RUNX2: variants seen among roughly 807,000 people sequenced by gnomAD.
RUNX2 encodes the protein RUNX family transcription factor 2, also known as runt-related transcription factor 2.
In RUNX2, 10 loss-of-function variants were observed where a neutral mutation model predicts 51.7. The ratio of observed to expected loss-of-function variants is 0.19; its 90% CI spans 0.12 to 0.33. The LOEUF is 0.33. Among genes scored for constraint, RUNX2 ranks in the 10% least tolerant of loss-of-function variants. The pLI is 1.00. For synonymous variants in RUNX2, 276 were observed against 273.6 expected (o/e 1.01, Z -0.09); for missense variants, 562 against 691.3 (o/e 0.81, Z 2.10).
At chr6:45,408,403 T>C (rs555269115) in intron 2 of RUNX2, among the ~76,000 whole-genome samples, 2 of 152,190 alleles carry the variant, frequency 1.3e-5, no homozygotes, top group African/African-American at 2.4e-5. Context: ...ATTTGGGAAT[T>C]GATTCTCTTA....
chr6:45,417,431 C>T (rs1582088807), intron 2 of RUNX2, among the ~76,000 whole-genome samples: 1 of 152,260 alleles, frequency 6.6e-6, no homozygotes, highest in African/African-American at 2.4e-5. Flanking sequence ...TGTTTTGGCA[C>T]CTCCAAAATT....
intron 5 of RUNX2, among the ~76,000 whole-genome samples, chr6:45,457,312 C>T (rs1043181346): frequency 1.3e-5 from 2 of 152,018 alleles, no homozygotes; most frequent in Non-Finnish European, 2.9e-5. Context: ...CTTAACCTTT[C>T]CCAACAGAAG....
At chr6:45,397,402 C>A (rs1797607576) in intron 2 of RUNX2, among the ~76,000 whole-genome samples, 1 of 152,126 alleles carries the variant, frequency 6.6e-6, no homozygotes, top group African/African-American at 2.4e-5. Flanking sequence ...AGCAACCATG[C>A]CCGGCATATA....
intron 7 of RUNX2, among the ~76,000 whole-genome samples, chr6:45,534,644 C>T (rs1167082241): frequency 6.6e-6 from 1 of 152,142 alleles, no homozygotes; most frequent in African/African-American, 2.4e-5. Context: ...TGTGGCTCCG[C>T]AACTAACCTG....
At chr6:45,424,214 T>C (rs1582097053) in intron 3 of RUNX2, among the ~76,000 whole-genome samples, 1 of 152,120 alleles carries the variant, frequency 6.6e-6, no homozygotes, top group Non-Finnish European at 1.5e-5. Context: ...GGTTTTAGGA[T>C]CTGGAGCCTC....
At chr6:45,433,134 A>G (rs922068557) in intron 4 of RUNX2, among the ~76,000 whole-genome samples, 1 of 152,200 alleles carries the variant, frequency 6.6e-6, no homozygotes, top group Non-Finnish European at 1.5e-5. Context: ...AAGAAGTTGT[A>G]CTTTTTAACT....
chr6:45,462,310 C>A (rs1399018248), intron 5 of RUNX2, among the ~76,000 whole-genome samples: 1 of 152,158 alleles, frequency 6.6e-6, no homozygotes. Context: ...GGTACTCCAC[C>A]GTTTACTCAA....
At chr6:45,490,400 A>G (rs1800427053) in intron 5 of RUNX2, among the ~76,000 whole-genome samples, 1 of 152,288 alleles carries the variant, frequency 6.6e-6, no homozygotes, top group East Asian at 1.9e-4. Context: ...ATTTCAGTTA[A>G]TGGGCCTAGT....
At chr6:45,328,930 A>T in intron 2 of RUNX2, 146 bp downstream of exon 2, 1 of 868,158 alleles carries the variant, frequency 1.2e-6, no homozygotes, top group South Asian at 1.5e-5. Flanking sequence ...TGAAAAATGA[A>T]ATTTCTGTAT....
chr6:45,339,831 G>C (rs1317129747), intron 2 of RUNX2, among the ~76,000 whole-genome samples: 1 of 151,938 alleles, frequency 6.6e-6, no homozygotes, highest in Non-Finnish European at 1.5e-5. Context: ...AATTTTTATA[G>C]AGTATACCTT....
intron 5 of RUNX2, among the ~76,000 whole-genome samples, chr6:45,468,616 G>C (rs1484528469): frequency 6.6e-6 from 1 of 152,176 alleles, no homozygotes; most frequent in Non-Finnish European, 1.5e-5. Context: ...AAAACCCAAT[G>C]TGTTAAAACT....
chr6:45,442,383 A>ACCT (rs1305802190), intron 5 of RUNX2, among the ~76,000 whole-genome samples: 1 of 152,186 alleles, frequency 6.6e-6, no homozygotes, highest in Admixed American at 6.5e-5. Context: ...CAGCAATAGT[A>ACCT]ATGCATTTAG....
intron 5 of RUNX2, among the ~76,000 whole-genome samples, chr6:45,440,651 A>AG (rs1798817450): frequency 2.1e-5 from 2 of 94,614 alleles, no homozygotes; most frequent in East Asian, 3.7e-3. Flanking sequence ...TTCGGATTTC[A>AG]ATTTTTTTTT....
In RUNX2 at chr6:45,422,749, A is replaced by AGGC. The variant is rs746557318; in HGVS notation, c.228_230dup (p.Ala89dup). The AGGC allele has an allele frequency of 2.3e-5, 35 of 1,531,118 alleles. No homozygotes were observed. The highest frequency in any genetic ancestry group is 1.8e-4 in the Middle Eastern group (1 of 5,640). 94.8% of individuals were successfully genotyped at this position (1,531,118 alleles called of 1,614,324 possible). ...CAGCAACAGCAGCAGCAGCAGCAGG[A>AGGC]GGCGGCGGCGGCGGCTGCGGCGGCG... On this transcript the variant is annotated inframe_insertion, in exon 3 of 9. Transcript: ENST00000647337.
chr6:45,371,937 C>T (rs994123931), intron 2 of RUNX2: 2 of 793,736 alleles, frequency 2.5e-6, no homozygotes, highest in African/African-American at 3.8e-5. Context: ...CAAGGACACA[C>T]TACTATTTAG....
chr6:45,435,147 C>G (rs977852206), intron 4 of RUNX2, among the ~76,000 whole-genome samples: 3 of 152,080 alleles, frequency 2.0e-5, no homozygotes, highest in Non-Finnish European at 2.9e-5. Context: ...TTTTTAAAAG[C>G]AGTTTTTTAT....
chr6:45,493,367 G>C (rs147688581), intron 6 of RUNX2, among the ~76,000 whole-genome samples: 236 of 152,220 alleles, frequency 1.6e-3, no homozygotes, highest in African/African-American at 5.2e-3. Context: ...GGGGTTGAAA[G>C]GTCAATGTGT....
chr6:45,362,400 G>C (rs1263632000), intron 2 of RUNX2, among the ~76,000 whole-genome samples: 3 of 152,184 alleles, frequency 2.0e-5, no homozygotes, highest in Non-Finnish European at 2.9e-5. Flanking sequence ...ATGAACAGCA[G>C]CAGTAGGGAG....
intron 5 of RUNX2, among the ~76,000 whole-genome samples, chr6:45,472,881 A>G (rs1799846890): frequency 6.6e-6 from 1 of 152,186 alleles, no homozygotes; most frequent in Admixed American, 6.5e-5. Flanking sequence ...CAATGGGCCA[A>G]GTATGTTGGC....
Sources: gnomAD v4.1 joint callset for allele counts (sites outside exome capture counted in the v4.1 genomes callset) on GRCh38, gnomAD v4.1.1 for gene constraint, MANE v1.5 for transcripts, NCBI Gene and HGNC (gene_info 2026-07-23, HGNC 2026-07-21) for gene names.